Variants in GARNL3 observed in about 807,000 individuals in gnomAD.
The protein encoded by GARNL3 is GTPase activating Rap/RanGAP domain like 3.
A neutral mutation model predicts 125.0 loss-of-function variants in GARNL3; 63 were observed. That is an observed-to-expected ratio of 0.50 (90% CI 0.41 to 0.62). GARNL3 has a LOEUF of 0.62. Among genes scored for constraint, GARNL3 ranks in the 20% least tolerant of loss-of-function variants. The probability of loss-of-function intolerance (pLI) is 0.00; values close to 1 mark genes in which losing one functional copy is unlikely to be tolerated. For synonymous variants in GARNL3, 439 were observed against 457.5 expected (o/e 0.96, Z 0.52); for missense variants, 994 against 1,244.0 (o/e 0.80, Z 3.02).
At chr9:127,353,481 C>CT (rs61634410) in intron 17 of GARNL3, 4,080 of 145,124 alleles carry the variant, frequency 0.028, 126 homozygotes, top group African/African-American at 0.082. Flanking sequence ...AATGGCTGCT[C>CT]TTTTTTTTTT....
At chr9:127,343,858 G>C (rs974410061) in intron 14 of GARNL3, among the ~76,000 whole-genome samples, 5 of 152,178 alleles carry the variant, frequency 3.3e-5, no homozygotes, top group Admixed American at 3.3e-4. Context: ...CACAGCTCTA[G>C]GGGTACTGTT....
intron 1 of GARNL3, among the ~76,000 whole-genome samples, chr9:127,239,487 T>C (rs954225776): frequency 2.6e-5 from 4 of 152,208 alleles, no homozygotes; most frequent in Non-Finnish European, 5.9e-5. Flanking sequence ...CACTTAATCA[T>C]ATGTAGCAGA....
At position 127,266,738 on chromosome 9, in the gene GARNL3, C is replaced by T. The variant is rs117395090; in HGVS notation, c.144+1717C>T. Among the ~76,000 whole-genome samples, 1,065 of 152,272 alleles carry T rather than the reference C, an allele frequency of 7.0e-3. 11 individuals carry two copies. Among genetic ancestry groups the T allele is most frequent in the Non-Finnish European group, 0.012 (791 of 68,018 alleles). ...TGTTAACCAGCTGCAGTCATAAAGA[C>T]AAAATTCAGTAGCAAAAGTAGAGCC... On this transcript the variant is annotated intron_variant, in intron 1 of 27. Coordinates refer to ENST00000373387, the MANE Select transcript of GARNL3 (RefSeq NM_032293.5). The surrounding 1 kb of genome is among the most constrained non-coding windows in gnomAD (Gnocchi z 4.0).
intron 1 of GARNL3, among the ~76,000 whole-genome samples, chr9:127,289,082 A>T (rs2064335576): frequency 6.6e-6 from 1 of 152,194 alleles, no homozygotes; most frequent in African/African-American, 2.4e-5. Flanking sequence ...CTCTATTTTA[A>T]CAGTGAGTAG....
chr9:127,312,986 G>C (rs1318463426), intron 3 of GARNL3, among the ~76,000 whole-genome samples: 1 of 152,162 alleles, frequency 6.6e-6, no homozygotes, highest in African/African-American at 2.4e-5. Context: ...CCCCAGGCTT[G>C]GGGGATTCAG....
At chr9:127,357,910 C>CT (rs2131683335) in intron 21 of GARNL3, among the ~76,000 whole-genome samples, 1 of 152,266 alleles carries the variant, frequency 6.6e-6, no homozygotes, top group East Asian at 1.9e-4. Context: ...GCACTGCAGA[C>CT]TCTCATCTTG....
At chr9:127,362,672 T>C (rs4837146) in intron 21 of GARNL3, 80,678 of 152,212 alleles carry the variant, frequency 0.53, 21,800 homozygotes, top group South Asian at 0.69. Context: ...GGAAGGGATT[T>C]TAAGTCAAAG....
chr9:127,251,800 G>A (rs1304904562), intron 2 of GARNL3, among the ~76,000 whole-genome samples: 1 of 152,026 alleles, frequency 6.6e-6, no homozygotes, highest in African/African-American at 2.4e-5. Flanking sequence ...TGAGCAGAAG[G>A]CAGTTGAAAA....
chr9:127,319,865 T>G (rs1008231714), intron 5 of GARNL3, among the ~76,000 whole-genome samples: 2 of 152,242 alleles, frequency 1.3e-5, no homozygotes, highest in Admixed American at 6.5e-5. Flanking sequence ...TGAGCAAGTC[T>G]TAGCTTTTCA....
chr9:127,384,925 G>T lies in GARNL3; in HGVS notation c.2270-102G>T. 1 of 614,424 alleles carries T rather than the reference G, an allele frequency of 1.6e-6. No homozygotes were observed. Among genetic ancestry groups the T allele is most frequent in the Admixed American group, 2.5e-5 (1 of 39,648 alleles). The allele number at this position is 614,424 out of a possible 1,614,324, so 38.1% of individuals were successfully genotyped here. A position where few individuals can be genotyped will look rare whatever the true frequency, so the allele number is the denominator to read the frequency against. ...GAGAGAAGCAGCCAGAGGAATGAGA[G>T]ATGGAAGTTTCTAGAGAAGTGAGTG... is the stretch of plus-strand genomic sequence containing the variant. On this transcript the variant is annotated intron_variant, in intron 23 of 27. Transcript: ENST00000373387. This position sits in a 1 kb window ranked among gnomAD's most constrained non-coding sequence, Gnocchi z 4.0.
intron 25 of GARNL3, among the ~76,000 whole-genome samples, chr9:127,387,869 G>A (rs1832629352): frequency 1.3e-5 from 2 of 151,928 alleles, no homozygotes; most frequent in South Asian, 2.1e-4. Flanking sequence ...AACTGGGCTA[G>A]GCGCTGTGGC....
chr9:127,234,786 C>A (rs74918854), intron 1 of GARNL3, among the ~76,000 whole-genome samples: 85 of 152,276 alleles, frequency 5.6e-4, no homozygotes, highest in African/African-American at 1.9e-3. Context: ...CCTTTTGTGT[C>A]CTCATGTGGT....
intron 15 of GARNL3, among the ~76,000 whole-genome samples, chr9:127,344,996 G>A (rs1421619288): frequency 6.6e-6 from 1 of 152,206 alleles, no homozygotes; most frequent in African/African-American, 2.4e-5. Context: ...AAGGCAGGTG[G>A]AGAGAGGAAA....
chr9:127,374,405 TA>T (rs1831778687), intron 22 of GARNL3, among the ~76,000 whole-genome samples: 1 of 152,134 alleles, frequency 6.6e-6, no homozygotes, highest in Non-Finnish European at 1.5e-5. Context: ...TAAAACCTAA[TA>T]AAAACTTCTA....
At chr9:127,345,504 A>G in intron 16 of GARNL3, 27 bp downstream of exon 16, 7 of 1,385,460 alleles carry the variant, frequency 5.1e-6, no homozygotes, top group Non-Finnish European at 7.1e-6. Context: ...TTCAATTTGA[A>G]CTTTGAATTC....
intron 1 of GARNL3, chr9:127,225,452 G>A: frequency 1.3e-6 from 1 of 773,028 alleles, no homozygotes; most frequent in Non-Finnish European, 1.6e-6. Context: ...CGGCCACGTG[G>A]GGGGATGGCG....
chr9:127,260,320 G>T (rs960473253), upstream of GARNL3, among the ~76,000 whole-genome samples: 1 of 152,176 alleles, frequency 6.6e-6, no homozygotes, highest in Non-Finnish European at 1.5e-5. Flanking sequence ...TTTGTGGACC[G>T]CCTGCATCAG....
intron 11 of GARNL3, among the ~76,000 whole-genome samples, chr9:127,337,103 A>G (rs968568489): frequency 3.3e-5 from 5 of 152,264 alleles, no homozygotes; most frequent in African/African-American, 7.2e-5. Context: ...ACAGTTTCCA[A>G]ACTTTCTTCC....
At chr9:127,297,688 A>C (rs373453270) in intron 2 of GARNL3, among the ~76,000 whole-genome samples, 35 of 152,364 alleles carry the variant, frequency 2.3e-4, no homozygotes, top group African/African-American at 8.4e-4. Context: ...TTGCTCCACC[A>C]GGTAATTCTA....
Sources: allele counts gnomAD v4.1 joint callset (sites outside exome capture counted in the v4.1 genomes callset), GRCh38; gene constraint gnomAD v4.1.1; non-coding constraint Gnocchi (gnomAD v3.1); transcripts MANE v1.5; gene names NCBI Gene and HGNC (gene_info 2026-07-23, HGNC 2026-07-21).